Variants in RGS22 observed in about 807,000 individuals in gnomAD.
RGS22 encodes the protein regulator of G-protein signaling 22.
In RGS22, 148 loss-of-function variants were observed where a neutral mutation model predicts 172.9. That is an observed-to-expected ratio of 0.86 (90% CI 0.75 to 0.98). The LOEUF is 0.98. Ranked by LOEUF, RGS22 falls within the 50% of genes least tolerant of loss-of-function variation. The probability of loss-of-function intolerance (pLI) is 0.00; values close to 1 mark genes in which losing one functional copy is unlikely to be tolerated. For missense variants in RGS22, 1,347 were observed against 1,440.8 expected (o/e 0.93, Z 1.05); for synonymous variants, 458 against 480.2 (o/e 0.95, Z 0.60).
At chr8:100,025,881 TTC>T (rs957766712) in intron 14 of RGS22, among the ~76,000 whole-genome samples, 3 of 152,332 alleles carry the variant, frequency 2.0e-5, no homozygotes, top group African/African-American at 7.2e-5. Context: ...AACTGGTTTT[TTC>T]TCTCTCAATC....
chr8:100,039,214 G>T (rs1352751856), intron 13 of RGS22, among the ~76,000 whole-genome samples, 182 bp from the exon 14 acceptor site: 1 of 152,046 alleles, frequency 6.6e-6, no homozygotes, highest in African/African-American at 2.4e-5. Context: ...TGATATTGTT[G>T]CTGGAAGATT....
intron 11 of RGS22, among the ~76,000 whole-genome samples, chr8:100,043,532 T>C (rs1269147317): frequency 6.6e-6 from 1 of 151,780 alleles, no homozygotes; most frequent in African/African-American, 2.4e-5. Context: ...ATCCCAGCAC[T>C]TGGGAGGCTG....
intron 10 of RGS22, chr8:100,050,835 T>C (rs976775007): frequency 6.6e-6 from 1 of 152,200 alleles, no homozygotes; most frequent in African/African-American, 2.4e-5. Context: ...CACTCATTCA[T>C]TCAATTTATA....
chr8:99,963,485 TG>T (rs1415514017), intron 24 of RGS22, among the ~76,000 whole-genome samples: 10 of 152,218 alleles, frequency 6.6e-5, no homozygotes, highest in African/African-American at 2.4e-4. Flanking sequence ...AGAGTAACTT[TG>T]CATTTGGATT....
In RGS22 at chr8:100,076,209, T is replaced by A. The variant is rs565103396; in HGVS notation, c.339+3925A>T. Among the ~76,000 whole-genome samples the A allele has an allele frequency of 1.6e-4, 25 of 152,336 alleles. 1 individual carries two copies. Among genetic ancestry groups the A allele is most frequent in the African/African-American group, 6.0e-4 (25 of 41,592 alleles). On this transcript the variant is annotated intron_variant, in intron 4 of 27. Coordinates refer to ENST00000360863, the MANE Select transcript of RGS22 (RefSeq NM_015668.5). ...TTTCTTGGTAGTGTCCTTTAGAGCGTGAAAGTTTTGCATTTTGATTTATCT... is the reference window on the plus strand; with the variant it reads ...TTTCTTGGTAGTGTCCTTTAGAGCGAGAAAGTTTTGCATTTTGATTTATCT...
rs1177830981 is a variant in RGS22 at position 100,103,340 on chromosome 8, T to C, written c.54+2034A>G. ...GTGGGGGCCTGAAATGAGACAGTAGTTGTGTGGATGGAGAAAAAGATCTGG... is the reference window on the plus strand; with the variant it reads ...GTGGGGGCCTGAAATGAGACAGTAGCTGTGTGGATGGAGAAAAAGATCTGG... On this transcript the variant is annotated intron_variant, in intron 2 of 27. Transcript: ENST00000360863. Among the ~76,000 whole-genome samples the C allele has an allele frequency of 3.3e-5, 5 of 151,976 alleles. No homozygotes were observed. The East Asian group carries it at 5.8e-4, about 18-fold the overall frequency.
chr8:100,002,992 G>GC (rs1391324238), intron 17 of RGS22: 1 of 152,874 alleles, frequency 6.5e-6, no homozygotes, highest in Non-Finnish European at 1.5e-5. Flanking sequence ...CCCAGGAGAC[G>GC]GAGCCTGCAG....
chr8:100,034,443 T>C (rs201087503), intron 14 of RGS22, among the ~76,000 whole-genome samples: 7 of 151,884 alleles, frequency 4.6e-5, no homozygotes, highest in African/African-American at 1.7e-4. Flanking sequence ...GAACTATAAA[T>C]CACTGCTCAA....
chr8:100,055,898 G>A (rs1385478413), intron 9 of RGS22, among the ~76,000 whole-genome samples: 1 of 152,136 alleles, frequency 6.6e-6, no homozygotes, highest in African/African-American at 2.4e-5. Context: ...CAGTAAATTG[G>A]TACCAGTAGA....
Position 100,062,619 on chromosome 8 carries a change from C to G in RGS22, c.1486G>C (p.Glu496Gln). ...TACAGAAGTAAAGGTTTTAAAACTT[C>G]AGACTGAATATTTCTTAAATGCTCT... ...NEEHLRNIQSEVLKPLLLYWA... is the reference protein window; with the variant it reads ...NEEHLRNIQSQVLKPLLLYWA... The change falls in exon 9 of 28, where the codon GAA becomes CAA. Residue 496 changes from glutamate (E) to glutamine (Q), a missense_variant. Transcript: ENST00000360863. 6.2e-7 allele frequency: 1 copy of G among 1,603,782 alleles called. No individual in the cohort carries two copies. The highest frequency in any genetic ancestry group is 8.5e-7 in the Non-Finnish European group (1 of 1,173,416).
intron 23 of RGS22, among the ~76,000 whole-genome samples, chr8:99,967,308 G>C (rs1810845938): frequency 6.6e-6 from 1 of 151,262 alleles, no homozygotes; most frequent in African/African-American, 2.4e-5. Flanking sequence ...TGTTTGGGCA[G>C]ACACCGAGCT....
chr8:100,001,361 C>T (rs959175989), intron 18 of RGS22, among the ~76,000 whole-genome samples: 4 of 151,190 alleles, frequency 2.6e-5, no homozygotes, highest in East Asian at 1.9e-4. Context: ...CTTAGCCTCC[C>T]GAGTAGCTGG....
chr8:99,965,547 T>C, intron 23 of RGS22, 117 bp from the exon 24 acceptor site: 3 of 667,542 alleles, frequency 4.5e-6, no homozygotes, highest in Admixed American at 2.6e-5. Context: ...AGTGCTGCAC[T>C]TAAGGTTTCA....
Position 99,987,621 on chromosome 8 carries a change from T to A in RGS22, c.3019-2A>T. The A allele has an allele frequency of 6.4e-7, 1 of 1,573,524 alleles. No homozygotes were observed. Among genetic ancestry groups the A allele is most frequent in the Non-Finnish European group, 8.6e-7 (1 of 1,159,072 alleles). ...AGAGATCCACTTACTCTCCACAGGC[T>A]GTCCAAAGCAGAGAATATAGGAAAT... On this transcript the variant is annotated splice_acceptor_variant, in intron 20 of 27. Transcript: ENST00000360863. LOFTEE classifies it high-confidence loss of function.
intron 22 of RGS22, among the ~76,000 whole-genome samples, chr8:99,981,535 T>C (rs1412386415): frequency 6.6e-6 from 1 of 152,128 alleles, no homozygotes; most frequent in Non-Finnish European, 1.5e-5. Flanking sequence ...TTTTATTTAC[T>C]GTATATGATC....
chr8:100,033,955 G>A (rs186320459), intron 14 of RGS22, among the ~76,000 whole-genome samples: 1 of 152,242 alleles, frequency 6.6e-6, no homozygotes, highest in Admixed American at 6.5e-5. Flanking sequence ...GGTATTGATG[G>A]AATGTATCTC....
chr8:100,046,840 G>A (rs1359788770), intron 11 of RGS22, among the ~76,000 whole-genome samples: 1 of 151,332 alleles, frequency 6.6e-6, no homozygotes, highest in East Asian at 1.9e-4. Flanking sequence ...TTTTTAGATG[G>A]CGCCTCACTC....
chr8:100,040,735 A>G (rs569946388), intron 12 of RGS22, among the ~76,000 whole-genome samples: 1 of 152,334 alleles, frequency 6.6e-6, no homozygotes, highest in East Asian at 1.9e-4. Flanking sequence ...AAGGGCATCT[A>G]CTATTCAGTT....
chr8:100,018,767 G>A (rs374368786), intron 14 of RGS22, among the ~76,000 whole-genome samples: 2 of 151,966 alleles, frequency 1.3e-5, no homozygotes, highest in South Asian at 2.1e-4. Context: ...CAAGATTTCC[G>A]CACCACTTAA....
Sources: gnomAD v4.1 joint callset for allele counts (sites outside exome capture counted in the v4.1 genomes callset) on GRCh38, gnomAD v4.1.1 for gene constraint, MANE v1.5 for transcripts, NCBI Gene and HGNC (gene_info 2026-07-23, HGNC 2026-07-21) for gene names.